Variants in DNAH14 observed in about 807,000 individuals in gnomAD.
DNAH14 encodes the protein dynein axonemal heavy chain 14.
DNAH14 carries 478 observed loss-of-function variants against 520.9 expected under a neutral mutation model. The ratio of observed to expected loss-of-function variants is 0.92; its 90% CI spans 0.85 to 0.99. The LOEUF is 0.99. Ranked by LOEUF, DNAH14 falls within the 50% of genes least tolerant of loss-of-function variation. The pLI, the probability that DNAH14 is intolerant of heterozygous loss-of-function variation, is 0.00. For missense variants in DNAH14, 4,831 were observed against 5,234.5 expected (o/e 0.92, Z 2.38); for synonymous variants, 1,581 against 1,757.2 (o/e 0.90, Z 2.51).
At chr1:225,351,194 G>A (rs575992162) in intron 71 of DNAH14, among the ~76,000 whole-genome samples, 4 of 152,172 alleles carry the variant, frequency 2.6e-5, no homozygotes, top group Non-Finnish European at 4.4e-5. Flanking sequence ...ATCACTTTAG[G>A]CCAGGAGTTT....
rs1279521366 is a variant in DNAH14, at chr1:225,340,674, A to G, written c.10651A>G (p.Thr3551Ala). 1.9e-6 allele frequency: 3 copies of G among 1,551,352 alleles called. No homozygotes were observed. Among genetic ancestry groups the G allele is most frequent in the East Asian group, 2.4e-5 (1 of 40,838 alleles). The change falls in exon 69 of 86, where the codon ACA becomes GCA. Residue 3551 changes from threonine to alanine, a missense_variant. Physicochemically the swap from Thr to Ala is moderately conservative, Grantham distance 58. Transcript: ENST00000682510. The part of the protein sequence containing the change: ...AITLEELEEK[T>A]LNLLQKALGS... ...AACTCTTGAAGAACTAGAGGAAAAA[A>G]CATTAAATTTACTGCAGAAAGCACT...
At position 225,390,152 on chromosome 1, in the gene DNAH14, A is replaced by G. The variant is rs147794286; in HGVS notation, c.13330+279A>G. On this transcript the variant is annotated intron_variant, in intron 83 of 85. Transcript: ENST00000682510. ...TCATCTCTCTGCCATTGCTTCTATG[A>G]TGTCAAAGGTCAACATTAGCACCCA... Among the ~76,000 whole-genome samples, 59 of 152,240 alleles carry G rather than the reference A, an allele frequency of 3.9e-4. No homozygotes were observed. The East Asian group carries it at 0.011, about 28-fold the overall frequency.
chr1:225,166,371 A>C (rs1387466040), intron 35 of DNAH14, among the ~76,000 whole-genome samples: 1 of 152,210 alleles, frequency 6.6e-6, no homozygotes, highest in African/African-American at 2.4e-5. Flanking sequence ...TAATTTTTAC[A>C]TTAATAACTA....
intron 71 of DNAH14, among the ~76,000 whole-genome samples, chr1:225,347,656 G>A (rs1574950895): frequency 6.6e-6 from 1 of 152,166 alleles, no homozygotes; most frequent in Non-Finnish European, 1.5e-5. Flanking sequence ...AACTTAGGAG[G>A]AGCAAGGGAT....
chr1:224,942,667 G>A (rs2059505150), intron 1 of DNAH14, among the ~76,000 whole-genome samples: 6 of 152,126 alleles, frequency 3.9e-5, no homozygotes, highest in Admixed American at 3.9e-4. Context: ...TTATTATTTT[G>A]AGATATGTCC....
At chr1:225,133,849 A>T (rs1169896953) in intron 27 of DNAH14, among the ~76,000 whole-genome samples, 2 of 152,202 alleles carry the variant, frequency 1.3e-5, no homozygotes, top group Non-Finnish European at 2.9e-5. Flanking sequence ...GATTCTTCCT[A>T]TCCATGAGCA....
intron 1 of DNAH14, among the ~76,000 whole-genome samples, chr1:224,934,720 A>G (rs956740253): frequency 2.6e-5 from 4 of 151,870 alleles, no homozygotes; most frequent in Admixed American, 1.3e-4. Flanking sequence ...AAAGATCCCC[A>G]CGGCACATTA....
At chr1:225,398,332 A>G (rs1355768998) in intron 84 of DNAH14, among the ~76,000 whole-genome samples, 188 bp from the exon 85 acceptor site, 4 of 152,212 alleles carry the variant, frequency 2.6e-5, no homozygotes, top group Admixed American at 1.3e-4. Flanking sequence ...ATATAGATAC[A>G]CCTAAGCCTA....
chr1:225,233,318 T>A (rs1415388147), intron 42 of DNAH14, among the ~76,000 whole-genome samples: 1 of 152,236 alleles, frequency 6.6e-6, no homozygotes, highest in African/African-American at 2.4e-5. Context: ...TCTGGGTATA[T>A]ACCCAGTAAT....
rs1193738641 is a variant in DNAH14 at position 225,159,511 on chromosome 1, C to T, written c.5445+26C>T. The T allele has an allele frequency of 4.1e-6, 6 of 1,481,110 alleles. No individual in the cohort carries two copies. The East Asian group carries it at 1.0e-4, about 25-fold the overall frequency. 91.7% of individuals were successfully genotyped at this position (1,481,110 alleles called of 1,614,324 possible). ...GTAAAAAGACCTTTGAAAATCATCA[C>T]CAATTATTTGGATGTGGAATATCAA... On this transcript the variant is annotated intron_variant, in intron 35 of 85. Transcript: ENST00000682510.
At chr1:224,934,082 A>G (rs2125339896) in intron 1 of DNAH14, among the ~76,000 whole-genome samples, 1 of 152,156 alleles carries the variant, frequency 6.6e-6, no homozygotes, top group South Asian at 2.1e-4. Context: ...TGACTGTTAC[A>G]CCAGATGCAC....
intron 64 of DNAH14, among the ~76,000 whole-genome samples, chr1:225,327,058 C>A (rs2094687569): frequency 1.3e-5 from 2 of 152,106 alleles, no homozygotes; most frequent in Non-Finnish European, 2.9e-5. Flanking sequence ...CCAGGGTAGA[C>A]CATATGTTTG....
At chr1:224,934,483 GA>G (rs531796397) in intron 1 of DNAH14, among the ~76,000 whole-genome samples, 4 of 151,536 alleles carry the variant, frequency 2.6e-5, no homozygotes, top group Non-Finnish European at 4.4e-5. Flanking sequence ...AATTCAGTCA[GA>G]AAAAATAAAG....
At position 225,100,885 on chromosome 1, in the gene DNAH14, G is replaced by A; in HGVS notation, c.3867+1G>A. ...TGAACATATAAAGAAAAGCCTTGAG[G>A]TAAAACTATAGCAATTCTAAAGCAG... On this transcript the variant is annotated splice_donor_variant, in intron 23 of 85. Coordinates refer to ENST00000682510, the MANE Select transcript of DNAH14 (RefSeq NM_001367479.1). LOFTEE classifies it high-confidence loss of function. The A allele has an allele frequency of 6.7e-7, 1 of 1,493,838 alleles. No homozygotes were observed. Among genetic ancestry groups the A allele is most frequent in the Non-Finnish European group, 8.9e-7 (1 of 1,127,898 alleles). 92.5% of individuals were successfully genotyped at this position (1,493,838 alleles called of 1,614,324 possible). A position where few individuals can be genotyped will look rare whatever the true frequency, so the allele number is the denominator to read the frequency against.
At chr1:224,950,398 T>G (rs544869479) in intron 1 of DNAH14, among the ~76,000 whole-genome samples, 7 of 152,336 alleles carry the variant, frequency 4.6e-5, no homozygotes, top group African/African-American at 1.7e-4. Flanking sequence ...AATGAAAACT[T>G]GACTCTGTAT....
At chr1:225,271,861 A>G in intron 50 of DNAH14, 45 bp from the exon 51 acceptor site, 1 of 1,493,676 alleles carries the variant, frequency 6.7e-7, no homozygotes, top group Non-Finnish European at 9.0e-7. Flanking sequence ...AGTAGTCTAT[A>G]CCTCAAATTT....
intron 15 of DNAH14, 28 bp downstream of exon 15, chr1:225,044,011 G>A (rs757844811): frequency 4.3e-5 from 56 of 1,309,260 alleles, no homozygotes; most frequent in Non-Finnish European, 5.6e-5. Flanking sequence ...TTAGTGAAAT[G>A]CATTGTCTTC....
chr1:224,967,447 A>G lies in DNAH14; in HGVS notation c.515A>G (p.Asp172Gly). ...KITLKKPLED[D>G]GEFVYCLPRK... is the part of the protein sequence containing the mutation. ...TAATCTCAGAAACCTTTGGAAGATG[A>G]TGGAGAATTTGTTTATTGCCTTCCT... The change falls in exon 6 of 86, where the codon GAT becomes GGT. Residue 172 changes from aspartate to glycine, a missense_variant. Asp to Gly is a moderately conservative substitution (Grantham distance 94). Transcript: ENST00000682510. 1 of 1,554,384 alleles carries G rather than the reference A, an allele frequency of 6.4e-7. No individual in the cohort carries two copies. The highest frequency in any genetic ancestry group is 8.6e-7 in the Non-Finnish European group (1 of 1,158,240).
intron 36 of DNAH14, among the ~76,000 whole-genome samples, chr1:225,173,937 A>C (rs559916437): frequency 2.0e-5 from 3 of 152,246 alleles, no homozygotes; most frequent in African/African-American, 7.2e-5. Context: ...GGCATAAAAA[A>C]ATGATGAGTT....
Sources: gnomAD v4.1 joint callset for allele counts (sites outside exome capture counted in the v4.1 genomes callset) on GRCh38, gnomAD v4.1.1 for gene constraint, MANE v1.5 for transcripts, NCBI Gene and HGNC (gene_info 2026-07-23, HGNC 2026-07-21) for gene names.